TMC2: variants seen among roughly 807,000 people sequenced by gnomAD.
TMC2 encodes transmembrane channel like 2, also known as transmembrane channel-like protein 2.
TMC2 carries 102 observed loss-of-function variants against 105.9 expected under a neutral mutation model. The observed-to-expected ratio is 0.96, with a 90% confidence interval of 0.82 to 1.14. The LOEUF is 1.14. Ranked by LOEUF, TMC2 falls within the 50% of genes most tolerant of loss-of-function variation. TMC2 has a pLI of 0.00. For missense variants in TMC2, 1,093 were observed against 1,134.3 expected, an observed-to-expected ratio of 0.96 and a Z score of 0.52; for synonymous variants, 402 against 422.8, an observed-to-expected ratio of 0.95 and a Z score of 0.60.
chr20:2,567,871 C>T (rs1282066913), intron 4 of TMC2, among the ~76,000 whole-genome samples: 3 of 151,990 alleles, frequency 2.0e-5, no homozygotes, highest in Non-Finnish European at 4.4e-5. Flanking sequence ...TGAGTGGGCT[C>T]AACAACAGAA....
In TMC2 at chr20:2,612,309, G is replaced by A. The variant is rs537612157; in HGVS notation, c.1712G>A (p.Arg571Gln). ...CCCCTGCACCCTGCAGATGTGCCCC[G>A]GGGTTCTTGCTGGGAGACAGCTGTG... ...RPPLHPADVP[R>Q]GSCWETAVGI... Residue 571 changes from arginine to glutamine, a missense_variant, in exon 13 of 20, where the codon CGG becomes CAG. Transcript: ENST00000358864. 134 of 1,588,890 alleles carry A rather than the reference G, an allele frequency of 8.4e-5. No homozygotes were observed. Among genetic ancestry groups the A allele is most frequent in the Admixed American group, 1.0e-4 (6 of 58,624 alleles).
At chr20:2,624,189 C>A in intron 16 of TMC2, 82 bp from the exon 17 acceptor site, 1 of 1,471,624 alleles carries the variant, frequency 6.8e-7, no homozygotes, top group Non-Finnish European at 9.2e-7. Flanking sequence ...AGCCCTGGAC[C>A]TGGGTAGGGG....
At chr20:2,628,577 T>C in intron 17 of TMC2, among the ~76,000 whole-genome samples, 1 of 150,130 alleles carries the variant, frequency 6.7e-6, no homozygotes, top group East Asian at 2.2e-4. Context: ...CGTGCCGTTC[T>C]TGTGATAGTG....
At chr20:2,638,330 CT>C (rs2086664249) in intron 19 of TMC2, among the ~76,000 whole-genome samples, 1 of 118,898 alleles carries the variant, frequency 8.4e-6, no homozygotes, top group Non-Finnish European at 1.8e-5. Flanking sequence ...GCACTCCAGC[CT>C]GGGCAACAGA....
chr20:2,575,861 T>A (rs2086140776), intron 5 of TMC2, among the ~76,000 whole-genome samples: 7 of 152,096 alleles, frequency 4.6e-5, no homozygotes. Flanking sequence ...TTGTCTAATG[T>A]TTTTTTCATT....
At chr20:2,584,540 G>A (rs115456056) in intron 7 of TMC2, among the ~76,000 whole-genome samples, 1,866 of 151,684 alleles carry the variant, frequency 0.012, 52 homozygotes, top group African/African-American at 0.043. Flanking sequence ...GAAGTCCTCT[G>A]ATTAATTTTC....
intron 11 of TMC2, among the ~76,000 whole-genome samples, chr20:2,610,145 G>A (rs1220317737): frequency 1.3e-5 from 2 of 152,166 alleles, no homozygotes; most frequent in Non-Finnish European, 2.9e-5. Context: ...CATTGCGCCT[G>A]GCCAGAAAGT....
chr20:2,559,138 A>AC (rs1056600120), intron 3 of TMC2, among the ~76,000 whole-genome samples: 1 of 151,954 alleles, frequency 6.6e-6, no homozygotes, highest in Admixed American at 6.6e-5. Context: ...CTGGTGACTC[A>AC]CCCCGGCTCT....
rs188906731 is a variant in TMC2, at chr20:2,602,337, G to A, written c.1413+36G>A. ...CATCGCTGATGAACTGAAGGTTGAT[G>A]GCAAATACTGAAATCACTGGTTCCT... is the stretch of plus-strand genomic sequence containing the variant. On this transcript the variant is annotated intron_variant, in intron 11 of 19. Coordinates refer to ENST00000358864, the MANE Select transcript of TMC2 (RefSeq NM_080751.3). 4.1e-6 allele frequency: 6 copies of A among 1,462,144 alleles called. No homozygotes were observed. The South Asian group carries it at 8.1e-5, about 20-fold the overall frequency. 90.6% of individuals were successfully genotyped at this position (1,462,144 alleles called of 1,614,324 possible). A position where few individuals can be genotyped will look rare whatever the true frequency, so the allele number is the denominator to read the frequency against.
At chr20:2,619,464 G>T (rs1185941513) in intron 16 of TMC2, among the ~76,000 whole-genome samples, 4 of 152,182 alleles carry the variant, frequency 2.6e-5, no homozygotes, top group Admixed American at 2.6e-4. Flanking sequence ...GGGTTAGTTA[G>T]AAGTTACAAG....
chr20:2,616,461 G>A lies in TMC2; in HGVS notation c.1940+257G>A, dbSNP rs1233331039. Among the ~76,000 whole-genome samples the A allele has an allele frequency of 6.6e-6, 1 of 151,576 alleles. No homozygotes were observed. The highest frequency in any genetic ancestry group is 1.5e-5 in the Non-Finnish European group (1 of 67,948). ...GAGAAAAGGAAAAGGAAGGAAGGCA[G>A]GAGAGAAGGAGAAGAGGGAAGAAAA... is the stretch of plus-strand genomic sequence containing the variant. On this transcript the variant is annotated intron_variant, in intron 15 of 19. Coordinates refer to ENST00000358864, the MANE Select transcript of TMC2 (RefSeq NM_080751.3). The surrounding 1 kb of genome is among the most constrained non-coding windows in gnomAD (Gnocchi z 4.8).
At position 2,543,047 on chromosome 20, in the gene TMC2, G is replaced by A. The variant is rs181709333; in HGVS notation, c.82+5731G>A. Among the ~76,000 whole-genome samples, 176 of 152,014 alleles carry A rather than the reference G, an allele frequency of 1.2e-3. 1 individual carries two copies. The highest frequency in any genetic ancestry group is 6.8e-3 in the Middle Eastern group (2 of 294). On this transcript the variant is annotated intron_variant, in intron 2 of 19. Transcript: ENST00000358864. Reference sequence around the variant, plus strand: ...AGGTCAGGAGTTTGAGACCAGCCTGGCCAACATGGTGAAACCCTGTCTCTA... The same window carrying A: ...AGGTCAGGAGTTTGAGACCAGCCTGACCAACATGGTGAAACCCTGTCTCTA...
At chr20:2,555,208 G>A (rs2122818782) in intron 2 of TMC2, among the ~76,000 whole-genome samples, 1 of 152,258 alleles carries the variant, frequency 6.6e-6, no homozygotes, top group South Asian at 2.1e-4. Flanking sequence ...AGCCTCCAAA[G>A]TAGCTGAGAT....
intron 18 of TMC2, among the ~76,000 whole-genome samples, chr20:2,636,492 A>ACACACACACACG (rs1252208519): frequency 1.3e-4 from 19 of 148,086 alleles, no homozygotes; most frequent in Non-Finnish European, 2.2e-4. Flanking sequence ...ACACACACAC[A>ACACACACACACG]CGCACACACC....
intron 19 of TMC2, among the ~76,000 whole-genome samples, chr20:2,638,572 G>A (rs1324669646): frequency 6.6e-6 from 1 of 152,110 alleles, no homozygotes; most frequent in Non-Finnish European, 1.5e-5. Context: ...GTTATCACAG[G>A]AGATGACAGC....
At chr20:2,635,492 A>T (rs1454283932) in intron 17 of TMC2, among the ~76,000 whole-genome samples, 1 of 152,102 alleles carries the variant, frequency 6.6e-6, no homozygotes, top group Non-Finnish European at 1.5e-5. Flanking sequence ...TAAACATAGA[A>T]GTCTACTCTC....
chr20:2,550,393 G>A (rs1056081778), intron 2 of TMC2, among the ~76,000 whole-genome samples: 5 of 152,052 alleles, frequency 3.3e-5, no homozygotes, highest in South Asian at 2.1e-4. Flanking sequence ...GAGTTTCCAC[G>A]TATAACCTTC....
In TMC2 at chr20:2,592,346, A is replaced by C. The variant is rs2086274956; in HGVS notation, c.871A>C (p.Lys291Gln). The change falls in exon 8 of 20, where the codon AAG becomes CAG. Residue 291 changes from lysine (K) to glutamine (Q), a missense_variant. Transcript: ENST00000358864. The surrounding 1 kb of genome is among the most constrained non-coding windows in gnomAD (Gnocchi z 4.9). ...MGMPYGSIPR[K>Q]TVPRAEEEKA... ...CATGCCCTATGGGAGTATTCCCAGAAAGACAGTGCCTCGGGCTGAGGAAGA... is the reference window on the plus strand; with the variant it reads ...CATGCCCTATGGGAGTATTCCCAGACAGACAGTGCCTCGGGCTGAGGAAGA... The C allele has an allele frequency of 1.2e-6, 2 of 1,614,100 alleles. No individual in the cohort carries two copies. The highest frequency in any genetic ancestry group is 1.7e-6 in the Non-Finnish European group (2 of 1,179,958).
At chr20:2,614,012 C>G (rs1409249745) in intron 14 of TMC2, 1 of 150,728 alleles carries the variant, frequency 6.6e-6, no homozygotes, top group East Asian at 2.0e-4. Context: ...TCATCCTGGC[C>G]TGGCCCAGGT....
Sources: allele counts gnomAD v4.1 joint callset (sites outside exome capture counted in the v4.1 genomes callset), GRCh38; gene constraint gnomAD v4.1.1; non-coding constraint Gnocchi (gnomAD v3.1); transcripts MANE v1.5; gene names NCBI Gene and HGNC (gene_info 2026-07-23, HGNC 2026-07-21).